The following ADCY1 variants were observed in gnomAD, a reference collection of about 807,000 sequenced individuals.
ADCY1 encodes the protein adenylate cyclase 1.
Under a neutral mutation model 105.4 loss-of-function variants are expected in ADCY1, and 28 were observed. The observed-to-expected ratio is 0.27, with a 90% CI of 0.20 to 0.36. ADCY1 has a LOEUF of 0.36. ADCY1 is among the 10% of genes least tolerant of loss of function. The pLI is 1.00. For synonymous variants in ADCY1, 655 were observed against 623.8 expected (o/e 1.05, Z -0.75); for missense variants, 977 against 1,434.2 (o/e 0.68, Z 5.15).
intron 1 of ADCY1, among the ~76,000 whole-genome samples, chr7:45,583,011 T>C (rs1180887208): frequency 6.6e-6 from 1 of 152,202 alleles, no homozygotes; most frequent in African/African-American, 2.4e-5. Flanking sequence ...TCAGTTTGGG[T>C]TGGGAAGAAA....
intron 2 of ADCY1, among the ~76,000 whole-genome samples, chr7:45,599,032 G>A (rs1236025490): frequency 6.6e-6 from 1 of 152,174 alleles, no homozygotes; most frequent in African/African-American, 2.4e-5. Context: ...TTCTAGGAGC[G>A]AGGGGCAGGG....
intron 3 of ADCY1, among the ~76,000 whole-genome samples, chr7:45,610,929 TTTGGAGGTGAG>T (rs1793559943): frequency 1.7e-3 from 3 of 1,722 alleles, no homozygotes; most frequent in East Asian, 0.021. Context: ...TGGAGGTGAT[TTTGGAGGTGAG>T]GAGGTGATAG....
At chr7:45,694,039 G>A (rs536651203) in intron 14 of ADCY1, among the ~76,000 whole-genome samples, 157 of 127,268 alleles carry the variant, frequency 1.2e-3, no homozygotes, top group African/African-American at 4.0e-3. Context: ...TGGGTGCAGC[G>A]CACCAGCATG....
chr7:45,581,868 C>G (rs117687736), intron 1 of ADCY1, among the ~76,000 whole-genome samples: 2,875 of 152,194 alleles, frequency 0.019, 63 homozygotes, highest in South Asian at 0.096. Context: ...CATGCACATA[C>G]CCACACAAAA....
chr7:45,585,407 G>A (rs193117094), intron 1 of ADCY1, among the ~76,000 whole-genome samples: 78 of 150,148 alleles, frequency 5.2e-4, no homozygotes, highest in Middle Eastern at 3.5e-3. Context: ...GTGGGATCTC[G>A]TCACTGGCAG....
intron 4 of ADCY1, among the ~76,000 whole-genome samples, chr7:45,629,524 T>TC (rs1416929784): frequency 6.6e-6 from 1 of 151,380 alleles, no homozygotes; most frequent in African/African-American, 2.4e-5. Context: ...TTTTTTTTTT[T>TC]TTTTTGAGAC....
chr7:45,702,037 C>A (rs1785008151), intron 14 of ADCY1, among the ~76,000 whole-genome samples: 1 of 152,242 alleles, frequency 6.6e-6, no homozygotes. Flanking sequence ...GCCCTGCATG[C>A]CCTGCCTGGC....
intron 4 of ADCY1, among the ~76,000 whole-genome samples, chr7:45,629,437 A>G (rs1427063318): frequency 6.6e-6 from 1 of 151,468 alleles, no homozygotes; most frequent in Non-Finnish European, 1.5e-5. Context: ...AAGTCTATGT[A>G]TGGGTATTCA....
intron 19 of ADCY1, among the ~76,000 whole-genome samples, chr7:45,711,778 G>A (rs981733460): frequency 6.5e-5 from 9 of 137,722 alleles, no homozygotes; most frequent in Non-Finnish European, 9.2e-5. Flanking sequence ...TATATATACA[G>A]CATGAAGTGT....
chr7:45,651,580 G>A (rs1227607033), intron 5 of ADCY1, among the ~76,000 whole-genome samples: 4 of 152,262 alleles, frequency 2.6e-5, no homozygotes, highest in East Asian at 1.9e-4. Context: ...GCTGGGCCTC[G>A]CAGCTGGCCC....
chr7:45,575,210 G>A lies in ADCY1; in HGVS notation c.639+28G>A. 6.5e-7 allele frequency: 1 copy of A among 1,548,032 alleles called. No homozygotes were observed. The highest frequency in any genetic ancestry group is 8.7e-7 in the Non-Finnish European group (1 of 1,150,692). ...AAGTGCAGCCGCGCACCCCTCATCT[G>A]GTCTCGGACACACTTGCTGGGACGA... On this transcript the variant is annotated intron_variant, in intron 1 of 19. Coordinates refer to ENST00000297323, the MANE Select transcript of ADCY1 (RefSeq NM_021116.4). The surrounding 1 kb of genome is among the most constrained non-coding windows in gnomAD (Gnocchi z 4.7).
At chr7:45,659,899 G>T in intron 6 of ADCY1, 143 bp from the exon 7 acceptor site, 3 of 1,031,218 alleles carry the variant, frequency 2.9e-6, no homozygotes, top group South Asian at 3.3e-5. Flanking sequence ...GGACGGACTT[G>T]CATGGGAGCA....
chr7:45,606,820 A>G (rs987575655), intron 2 of ADCY1, among the ~76,000 whole-genome samples: 5 of 152,134 alleles, frequency 3.3e-5, no homozygotes, highest in Admixed American at 3.3e-4. Context: ...ACTTTGTATG[A>G]TCCATATTCA....
intron 11 of ADCY1, 192 bp from the exon 12 acceptor site, chr7:45,684,787 C>T: frequency 2.0e-6 from 1 of 494,562 alleles, no homozygotes. Flanking sequence ...CTTTTTTTAA[C>T]TTTGGCAAGC....
intron 1 of ADCY1, 65 bp from the exon 2 acceptor site, chr7:45,592,694 G>T: frequency 6.2e-7 from 1 of 1,605,206 alleles, no homozygotes; most frequent in Non-Finnish European, 8.5e-7. Flanking sequence ...TCTCCGGGCG[G>T]CCTAGGCCCT....
In ADCY1 at chr7:45,678,158, T is replaced by A; in HGVS notation, c.1801-8T>A. ...CAGCCCTGATGGATTGACTTCTCTC[T>A]TACACAGTACCACCAGCTTCAGGAC... On this transcript the variant is annotated splice_region_variant and splice_polypyrimidine_tract_variant and intron_variant, in intron 9 of 19. Coordinates refer to ENST00000297323, the MANE Select transcript of ADCY1 (RefSeq NM_021116.4). 6.2e-7 allele frequency: 1 copy of A among 1,614,162 alleles called. No homozygotes were observed. The highest frequency in any genetic ancestry group is 8.5e-7 in the Non-Finnish European group (1 of 1,180,004).
chr7:45,711,551 A>G (rs919126947), intron 19 of ADCY1, among the ~76,000 whole-genome samples: 3 of 148,956 alleles, frequency 2.0e-5, no homozygotes, highest in Non-Finnish European at 1.5e-5. Flanking sequence ...GTGGCATTAA[A>G]TATATTTACA....
At chr7:45,692,769 T>C (rs575720105) in intron 14 of ADCY1, among the ~76,000 whole-genome samples, 2 of 152,292 alleles carry the variant, frequency 1.3e-5, no homozygotes, top group East Asian at 1.9e-4. Context: ...AGTTATGCAA[T>C]GTATACATAT....
intron 3 of ADCY1, 35 bp from the exon 4 acceptor site, chr7:45,622,597 G>A (rs1270462745): frequency 6.0e-6 from 9 of 1,490,820 alleles, no homozygotes; most frequent in Non-Finnish European, 8.4e-6. Flanking sequence ...TGAGTGACTG[G>A]GAGAAGGGCA....
Sources: allele counts gnomAD v4.1 joint callset (sites outside exome capture counted in the v4.1 genomes callset), GRCh38; gene constraint gnomAD v4.1.1; non-coding constraint Gnocchi (gnomAD v3.1); transcripts MANE v1.5; gene names NCBI Gene and HGNC (gene_info 2026-07-23, HGNC 2026-07-21).